Variants in PRKCE observed in about 807,000 individuals in gnomAD.
The protein encoded by PRKCE is protein kinase C epsilon.
PRKCE carries 16 observed loss-of-function variants against 85.4 expected under a neutral mutation model. The observed-to-expected ratio is 0.19, with a 90% CI of 0.13 to 0.28. The LOEUF (loss-of-function observed/expected upper bound fraction) is 0.28, where lower values mean the gene tolerates loss of function less well. Among genes scored for constraint, PRKCE ranks in the 10% least tolerant of loss-of-function variants. The probability of loss-of-function intolerance (pLI) is 1.00; values close to 1 mark genes in which losing one functional copy is unlikely to be tolerated. For synonymous variants in PRKCE, 388 were observed against 371.5 expected (o/e 1.04, Z -0.51); for missense variants, 573 against 975.2 (o/e 0.59, Z 5.49).
At position 46,074,429 on chromosome 2, in the gene PRKCE, CAAAAAAAAAA is replaced by C. The variant is rs11287357; in HGVS notation, c.1438-11769_1438-11760del. Among the ~76,000 whole-genome samples, 25 of 93,864 alleles carry C rather than the reference CAAAAAAAAAA, an allele frequency of 2.7e-4. 2 individuals carry two copies. Among genetic ancestry groups the C allele is most frequent in the East Asian group, 5.6e-4 (2 of 3,558 alleles). The allele number at this position is 93,864 out of a possible 152,430, so 61.6% of individuals were successfully genotyped here. On this transcript the variant is annotated intron_variant, in intron 10 of 14. Coordinates refer to ENST00000306156, the MANE Select transcript of PRKCE (RefSeq NM_005400.3). ...AAACAAACAAACAAACAACAACAAC[CAAAAAAAAAA>C]AAAAAAAAAGAAAAACACGGATAGA...
intron 1 of PRKCE, among the ~76,000 whole-genome samples, chr2:45,787,295 T>G (rs1281918814): frequency 6.6e-6 from 1 of 151,960 alleles, no homozygotes. Context: ...TGGGGGTGGA[T>G]TTGGAGAACA....
Position 46,159,810 on chromosome 2 carries a change from C to G in PRKCE, c.2067+58C>G. ...GGGTCGGGCCCAGGTACTTGCAGGA[C>G]AGGCTGCGTGCACCCAGGAAGAGTT... On this transcript the variant is annotated intron_variant, in intron 14 of 14. Coordinates refer to ENST00000306156, the MANE Select transcript of PRKCE (RefSeq NM_005400.3). The surrounding 1 kb of genome is among the most constrained non-coding windows in gnomAD (Gnocchi z 4.1). The G allele has an allele frequency of 2.5e-6, 4 of 1,586,776 alleles. No homozygotes were observed. In the South Asian group the frequency reaches 4.5e-5, roughly 18 times the overall value.
At position 45,978,967 on chromosome 2, in the gene PRKCE, T is replaced by G; in HGVS notation, c.573-9T>G. 1 of 1,598,396 alleles carries G rather than the reference T, an allele frequency of 6.3e-7. No individual in the cohort carries two copies. The highest frequency in any genetic ancestry group is 1.3e-5 in the African/African-American group (1 of 74,988). ...ACTTTTTTTAAAAAAATGTTATTCT[T>G]CTTTTCAGGGGTGTCATAGGAAAGC... On this transcript the variant is annotated splice_polypyrimidine_tract_variant and intron_variant, in intron 3 of 14. Coordinates refer to ENST00000306156, the MANE Select transcript of PRKCE (RefSeq NM_005400.3).
chr2:46,080,062 C>T (rs942826455), intron 10 of PRKCE, among the ~76,000 whole-genome samples: 23 of 152,138 alleles, frequency 1.5e-4, no homozygotes, highest in African/African-American at 5.3e-4. Flanking sequence ...CCTCAGAAAA[C>T]GTATTTGCTT....
intron 10 of PRKCE, among the ~76,000 whole-genome samples, chr2:46,085,880 G>A (rs61758302): frequency 3.8e-4 from 58 of 151,938 alleles, no homozygotes; most frequent in African/African-American, 1.1e-3. Flanking sequence ...GCCCCAAAAG[G>A]GCAGAGACTT....
At chr2:46,180,561 G>A (rs544237760) in intron 14 of PRKCE, among the ~76,000 whole-genome samples, 1 of 152,328 alleles carries the variant, frequency 6.6e-6, no homozygotes, top group South Asian at 2.1e-4. Context: ...CCTAACTTCA[G>A]GAAACTCACT....
chr2:45,896,125 G>A (rs1189888587), intron 2 of PRKCE, among the ~76,000 whole-genome samples: 1 of 152,194 alleles, frequency 6.6e-6, no homozygotes, highest in Admixed American at 6.5e-5. Flanking sequence ...TGCCTTGTCC[G>A]AGTCAGTTAA....
intron 1 of PRKCE, chr2:45,675,188 A>G (rs1676372268): frequency 6.6e-6 from 1 of 152,212 alleles, no homozygotes; most frequent in South Asian, 2.1e-4. Flanking sequence ...AAAATAGCAC[A>G]AGAAAACACT....
rs1432135901 is a variant in PRKCE at position 46,155,101 on chromosome 2, G to T, written c.1920+3872G>T. ...TGGAAGGTGAACAGGACTGGGTGGG[G>T]CAGGGTAAACGGAGACCCCTCATGA... On this transcript the variant is annotated intron_variant, in intron 13 of 14. Transcript: ENST00000306156. This position sits in a 1 kb window ranked among gnomAD's most constrained non-coding sequence, Gnocchi z 4.7. Among the ~76,000 whole-genome samples, 1 of 152,168 alleles carries T rather than the reference G, an allele frequency of 6.6e-6. No individual in the cohort carries two copies. The highest frequency in any genetic ancestry group is 6.5e-5 in the Admixed American group (1 of 15,276).
In PRKCE at chr2:45,975,347, G is replaced by A. The variant is rs59043171; in HGVS notation, c.413-1082G>A. ...AATAACAAAATACCAAAGACTGGGT[G>A]TCTTAACCAACAGACATTCACTTCT... On this transcript the variant is annotated intron_variant, in intron 2 of 14. Coordinates refer to ENST00000306156, the MANE Select transcript of PRKCE (RefSeq NM_005400.3). 1.4e-3 allele frequency among the ~76,000 whole-genome samples: 210 copies of A among 152,292 alleles called. 1 individual carries two copies. Among genetic ancestry groups the A allele is most frequent in the African/African-American group, 4.9e-3 (205 of 41,566 alleles).
rs1686596695 is a variant in PRKCE at position 45,786,271 on chromosome 2, C to T, written c.349-56729C>T. On this transcript the variant is annotated intron_variant, in intron 1 of 14. Coordinates refer to ENST00000306156, the MANE Select transcript of PRKCE (RefSeq NM_005400.3). The surrounding 1 kb of genome is among the most constrained non-coding windows in gnomAD (Gnocchi z 5.3). ...TGCCTGTCCAGCGTCTCTGTGTCTC[C>T]CTGGCCTGGCCACACAGTAGAATTC... Among the ~76,000 whole-genome samples the T allele has an allele frequency of 1.3e-5, 2 of 152,156 alleles. No individual in the cohort carries two copies.
intron 1 of PRKCE, among the ~76,000 whole-genome samples, chr2:45,792,453 G>A (rs1687105810): frequency 6.6e-6 from 1 of 152,148 alleles, no homozygotes; most frequent in Admixed American, 6.5e-5. Context: ...ATTGTCAGTG[G>A]TCACTTTCCA....
At chr2:46,171,731 A>G (rs900824406) in intron 14 of PRKCE, among the ~76,000 whole-genome samples, 1 of 152,164 alleles carries the variant, frequency 6.6e-6, no homozygotes, top group African/African-American at 2.4e-5. Flanking sequence ...GCATCAAAGC[A>G]CTGGCAAAGT....
At chr2:46,028,306 TG>T (rs894600585) in intron 10 of PRKCE, among the ~76,000 whole-genome samples, 1 of 152,212 alleles carries the variant, frequency 6.6e-6, no homozygotes, top group African/African-American at 2.4e-5. Context: ...AGCTCTGAGT[TG>T]GGGGGTAAAC....
At chr2:45,865,420 G>A (rs1249429179) in intron 2 of PRKCE, among the ~76,000 whole-genome samples, 1 of 152,200 alleles carries the variant, frequency 6.6e-6, no homozygotes, top group East Asian at 1.9e-4. Context: ...TCAAGGTTGA[G>A]AATATCTCTC....
chr2:46,164,198 G>A (rs1475895575), intron 14 of PRKCE, among the ~76,000 whole-genome samples: 2 of 152,222 alleles, frequency 1.3e-5, no homozygotes, highest in Non-Finnish European at 2.9e-5. Flanking sequence ...ATCACAAGCA[G>A]CCAGGGACAA....
intron 12 of PRKCE, among the ~76,000 whole-genome samples, chr2:46,150,010 C>CCAT (rs1676460682): frequency 6.6e-6 from 1 of 151,940 alleles, no homozygotes; most frequent in Non-Finnish European, 1.5e-5. Context: ...ACACGTACCA[C>CCAT]CATGCCCAGC....
intron 1 of PRKCE, among the ~76,000 whole-genome samples, chr2:45,705,107 G>C (rs898330443): frequency 2.0e-5 from 3 of 152,302 alleles, no homozygotes; most frequent in South Asian, 4.1e-4. Flanking sequence ...CTATCATTTG[G>C]ACATGGAATA....
chr2:45,692,008 A>G (rs563859235), intron 1 of PRKCE, among the ~76,000 whole-genome samples: 39 of 152,296 alleles, frequency 2.6e-4, no homozygotes, highest in African/African-American at 7.2e-4. Context: ...GTTAATAATA[A>G]CAGTCAAGCT....
Sources: gnomAD v4.1 joint callset for allele counts (sites outside exome capture counted in the v4.1 genomes callset) on GRCh38, gnomAD v4.1.1 for gene constraint, Gnocchi (gnomAD v3.1) non-coding constraint, MANE v1.5 for transcripts, NCBI Gene and HGNC (gene_info 2026-07-23, HGNC 2026-07-21) for gene names.